C1QTNF3: variants seen among roughly 807,000 people sequenced by gnomAD.
C1QTNF3 encodes C1q and TNF related 3.
A neutral mutation model predicts 32.6 loss-of-function variants in C1QTNF3; 26 were observed. The ratio of observed to expected loss-of-function variants is 0.80; its 90% CI spans 0.58 to 1.11. The LOEUF (loss-of-function observed/expected upper bound fraction) is 1.11, where lower values mean the gene tolerates loss of function less well. Ranked by LOEUF, C1QTNF3 falls within the 50% of genes least tolerant of loss-of-function variation. C1QTNF3 has a pLI of 0.00. For missense variants in C1QTNF3, 362 were observed against 398.2 expected, an observed-to-expected ratio of 0.91 and a Z score of 0.77; for synonymous variants, 155 against 146.0, an observed-to-expected ratio of 1.06 and a Z score of -0.44.
the C1QTNF3 span, among the ~76,000 whole-genome samples, chr5:34,139,496 T>C: frequency 1.7e-4 from 26 of 152,060 alleles, no homozygotes; most frequent in Non-Finnish European, 3.4e-4. Flanking sequence ...TTAACCACTT[T>C]AACCAATTAA....
the C1QTNF3 span, among the ~76,000 whole-genome samples, chr5:34,181,464 C>T: frequency 6.6e-6 from 1 of 152,310 alleles, no homozygotes; most frequent in East Asian, 1.9e-4. Flanking sequence ...CTGAATTGTC[C>T]TTTGCCCAGG....
At chr5:34,137,695 C>T in the C1QTNF3 span, among the ~76,000 whole-genome samples, 1 of 152,186 alleles carries the variant, frequency 6.6e-6, no homozygotes, top group African/African-American at 2.4e-5. Flanking sequence ...CTTTTGTTTT[C>T]ACATGCACAC....
In C1QTNF3 at chr5:34,018,250, A is replaced by T. The variant is rs1034303936; in HGVS notation, c.*2333T>A. 5.9e-5 allele frequency among the ~76,000 whole-genome samples: 9 copies of T among 152,050 alleles called. No individual in the cohort carries two copies. The highest frequency in any genetic ancestry group is 1.0e-4 in the Non-Finnish European group (7 of 67,964). The stretch of plus-strand genomic sequence containing the variant: ...TTCTATAGTGAGTTTTTTAAATAAA[A>T]ATATATATATTTAAATATAACACTT... On this transcript the variant is annotated 3_prime_UTR_variant, in exon 6 of 6. Coordinates refer to ENST00000382065, the MANE Select transcript of C1QTNF3 (RefSeq NM_181435.6).
the C1QTNF3 span, among the ~76,000 whole-genome samples, chr5:34,102,328 T>C: frequency 0.012 from 1,855 of 152,210 alleles, 20 homozygotes; most frequent in South Asian, 0.029. Flanking sequence ...CACAGAATAC[T>C]AATATTATTA....
At position 34,018,538 on chromosome 5, in the gene C1QTNF3, T is replaced by C. The variant is rs1336220579; in HGVS notation, c.*2045A>G. On this transcript the variant is annotated 3_prime_UTR_variant, in exon 6 of 6. Coordinates refer to ENST00000382065, the MANE Select transcript of C1QTNF3 (RefSeq NM_181435.6). The stretch of plus-strand genomic sequence containing the variant: ...CATAGGAGTGCCTGGAATAGCACAG[T>C]ATCTTGCATAAAGTAAATGTTTATG... 1.3e-5 allele frequency among the ~76,000 whole-genome samples: 2 copies of C among 152,232 alleles called. No homozygotes were observed. Among genetic ancestry groups the C allele is most frequent in the Non-Finnish European group, 2.9e-5 (2 of 68,036 alleles).
At chr5:34,046,571 C>T (rs905774310), upstream of C1QTNF3, among the ~76,000 whole-genome samples, 2 of 152,186 alleles carry the variant, frequency 1.3e-5, no homozygotes, top group Admixed American at 6.5e-5. Context: ...AAGCGTGGAA[C>T]AGATGATTCT....
At chr5:34,110,961 C>A in the C1QTNF3 span, among the ~76,000 whole-genome samples, 1 of 152,090 alleles carries the variant, frequency 6.6e-6, no homozygotes, top group South Asian at 2.1e-4. Context: ...GGTCTAACTG[C>A]ATACAGCTAT....
At chr5:34,142,313 T>A in the C1QTNF3 span, among the ~76,000 whole-genome samples, 1 of 151,908 alleles carries the variant, frequency 6.6e-6, no homozygotes, top group South Asian at 2.1e-4. Flanking sequence ...GTGCCTGTAG[T>A]CCCAGCTACT....
rs763605813 is a variant in C1QTNF3, at chr5:34,042,819, G to T, written c.303+4C>A. 1.9e-6 allele frequency: 3 copies of T among 1,609,098 alleles called. No individual in the cohort carries two copies. In the South Asian group the frequency reaches 3.3e-5, roughly 18 times the overall value. ...AAAAATCCTTAGAAGAGAATTCTGA[G>T]TACCTGGCCCCAGAATGTGGTGATC... On this transcript the variant is annotated splice_donor_region_variant and intron_variant, in intron 1 of 5. Transcript: ENST00000382065.
rs1339503719 is a variant in C1QTNF3, at chr5:34,033,428, G to C, written c.446C>G (p.Ala149Gly). Residue 149 changes from alanine to glycine, a missense_variant, in exon 3 of 6, where the codon GCC (alanine) becomes GGC (glycine). Physicochemically the swap from Ala to Gly is moderately conservative, Grantham distance 60. Transcript: ENST00000382065. ...ACCTTTGGCTCCTTCATGACCAGTG[G>C]CTCCATTGTTGCCATTGTTTCCATG... ...GNHGNNGNNGATGHEGAKGEK... is the reference protein window; with the variant it reads ...GNHGNNGNNGGTGHEGAKGEK... 1.4e-5 allele frequency: 23 copies of C among 1,614,108 alleles called. No homozygotes were observed. Among genetic ancestry groups the C allele is most frequent in the Non-Finnish European group, 1.9e-5 (23 of 1,180,022 alleles).
At chr5:34,047,045 G>A (rs1420410820), upstream of C1QTNF3, among the ~76,000 whole-genome samples, 12 of 152,166 alleles carry the variant, frequency 7.9e-5, no homozygotes, top group Admixed American at 7.2e-4. Flanking sequence ...TCAAAGATGT[G>A]AATAACAATT....
chr5:34,120,140 C>A, the C1QTNF3 span, among the ~76,000 whole-genome samples: 11 of 152,258 alleles, frequency 7.2e-5, no homozygotes, highest in African/African-American at 2.2e-4. Flanking sequence ...AACATTTGGT[C>A]TAATGGTCCA....
chr5:34,188,721 G>C, the C1QTNF3 span, among the ~76,000 whole-genome samples: 896 of 143,624 alleles, frequency 6.2e-3, no homozygotes, highest in East Asian at 0.034. Flanking sequence ...AGGTGGAAGG[G>C]ACTTGCCTTG....
At chr5:34,212,176 G>A in the C1QTNF3 span, among the ~76,000 whole-genome samples, 2 of 151,376 alleles carry the variant, frequency 1.3e-5, no homozygotes, top group African/African-American at 4.9e-5. Flanking sequence ...TTTAATAAAT[G>A]GTGCTGGGAA....
At chr5:34,205,081 GAA>G in the C1QTNF3 span, among the ~76,000 whole-genome samples, 2 of 139,060 alleles carry the variant, frequency 1.4e-5, no homozygotes, top group Non-Finnish European at 3.1e-5. Context: ...AAAGGCAAAA[GAA>G]ACTTGTACGA....
the C1QTNF3 span, among the ~76,000 whole-genome samples, chr5:34,063,863 T>C: frequency 6.6e-6 from 1 of 152,176 alleles, no homozygotes; most frequent in Non-Finnish European, 1.5e-5. Context: ...TTTTTGGGGC[T>C]ACACTTTCAA....
the C1QTNF3 span, among the ~76,000 whole-genome samples, chr5:34,177,047 G>A: frequency 7.9e-5 from 12 of 152,034 alleles, no homozygotes; most frequent in Admixed American, 5.9e-4. Flanking sequence ...CTAAATATTC[G>A]CTAGGTGTAG....
chr5:34,071,129 G>A, the C1QTNF3 span, among the ~76,000 whole-genome samples: 3 of 152,018 alleles, frequency 2.0e-5, no homozygotes, highest in South Asian at 2.1e-4. Context: ...ACTAATTGCC[G>A]GTAAACCAAA....
At chr5:34,163,800 C>A in the C1QTNF3 span, among the ~76,000 whole-genome samples, 1 of 152,174 alleles carries the variant, frequency 6.6e-6, no homozygotes, top group Admixed American at 6.6e-5. Flanking sequence ...TGGATTCCAT[C>A]ATTTTCAACC....
Sources: allele counts gnomAD v4.1 joint callset (sites outside exome capture counted in the v4.1 genomes callset), GRCh38; gene constraint gnomAD v4.1.1; transcripts MANE v1.5; gene names NCBI Gene and HGNC (gene_info 2026-07-23, HGNC 2026-07-21).